Variants in TFDP1 observed in about 807,000 individuals in gnomAD.
TFDP1 encodes DRTF1-polypeptide 1.
Under a neutral mutation model 48.0 loss-of-function variants are expected in TFDP1, and 6 were observed. That is an observed-to-expected ratio of 0.13 (90% CI 0.07 to 0.25). TFDP1 has a LOEUF of 0.25. Ranked by LOEUF, TFDP1 falls within the 10% of genes least tolerant of loss-of-function variation. The pLI is 1.00. For synonymous variants in TFDP1, 201 were observed against 211.6 expected (o/e 0.95, Z 0.44); for missense variants, 335 against 543.0 (o/e 0.62, Z 3.81).
At chr13:113,611,144 G>T (rs1002883605) in intron 3 of TFDP1, 82 bp downstream of exon 3, 7 of 1,361,124 alleles carry the variant, frequency 5.1e-6, no homozygotes, top group Non-Finnish European at 7.3e-6. Flanking sequence ...TGACGCTGAA[G>T]CCTCTTGCTA....
Position 113,616,592 on chromosome 13 carries a change from C to T in TFDP1, c.79+5530C>T, listed in dbSNP as rs368378657. On this transcript the variant is annotated intron_variant, in intron 3 of 11. Transcript: ENST00000375370. ...ATGACTGCTTACTAAAGAGCATCTC[C>T]CTTTGTTGTGTCTTTACTTTCCTCC... Among the ~76,000 whole-genome samples the T allele has an allele frequency of 4.6e-5, 7 of 152,126 alleles. No individual in the cohort carries two copies. The South Asian group carries it at 1.2e-3, about 27-fold the overall frequency.
chr13:113,607,593 G>A lies in TFDP1; in HGVS notation c.13-3403G>A, dbSNP rs1305345860. On this transcript the variant is annotated intron_variant, in intron 2 of 11. Transcript: ENST00000375370. The surrounding 1 kb of genome is among the most constrained non-coding windows in gnomAD (Gnocchi z 5.2). ...GCGCATGCCCTGCAGTTACCCCAGA[G>A]CTTTATGTCACAACATTGAGGCTGG... 6.6e-6 allele frequency among the ~76,000 whole-genome samples: 1 copy of A among 152,182 alleles called. No homozygotes were observed. The highest frequency in any genetic ancestry group is 1.9e-4 in the East Asian group (1 of 5,204).
At chr13:113,624,264 G>A (rs2049065380) in intron 4 of TFDP1, among the ~76,000 whole-genome samples, 1 of 152,142 alleles carries the variant, frequency 6.6e-6, no homozygotes, top group Non-Finnish European at 1.5e-5. Context: ...ACACCTCCGG[G>A]TGGGATGAGA....
At chr13:113,635,780 C>T (rs919686224) in intron 8 of TFDP1, among the ~76,000 whole-genome samples, 197 bp from the exon 9 acceptor site, 3 of 152,174 alleles carry the variant, frequency 2.0e-5, no homozygotes, top group African/African-American at 4.8e-5. Context: ...TAGTTCTCCC[C>T]TCAGGATCCC....
chr13:113,625,263 C>G (rs558158141), intron 4 of TFDP1, among the ~76,000 whole-genome samples: 1 of 118,378 alleles, frequency 8.4e-6, no homozygotes, highest in South Asian at 2.9e-4. Flanking sequence ...GTATCTCTCA[C>G]ATGTCCTCAG....
intron 2 of TFDP1, among the ~76,000 whole-genome samples, chr13:113,599,767 A>T (rs1329810176): frequency 5.3e-5 from 8 of 152,202 alleles, no homozygotes; most frequent in Non-Finnish European, 1.2e-4. Flanking sequence ...CGTGAGAGAG[A>T]ATCCTTGCAC....
intron 2 of TFDP1, among the ~76,000 whole-genome samples, chr13:113,602,372 G>A (rs767757528): frequency 1.3e-5 from 2 of 152,088 alleles, no homozygotes; most frequent in South Asian, 2.1e-4. Flanking sequence ...GGAGTTCTCC[G>A]CACGAGTCAA....
At chr13:113,625,931 G>C (rs199778977) in intron 4 of TFDP1, among the ~76,000 whole-genome samples, 16 of 89,130 alleles carry the variant, frequency 1.8e-4, no homozygotes, top group African/African-American at 8.5e-4. Context: ...CGTGTCCTCA[G>C]GTGTTTCTCA....
intron 2 of TFDP1, among the ~76,000 whole-genome samples, chr13:113,595,026 A>C (rs1030997067): frequency 1.3e-5 from 2 of 152,162 alleles, no homozygotes; most frequent in Non-Finnish European, 2.9e-5. Flanking sequence ...TTCTGTTTCT[A>C]ATCTTTTCAC....
At chr13:113,634,246 C>G (rs759913065) in intron 7 of TFDP1, 5 of 712,852 alleles carry the variant, frequency 7.0e-6, no homozygotes, top group Non-Finnish European at 7.4e-6. Flanking sequence ...CTGTTAAACT[C>G]TAGTGTAGGT....
chr13:113,621,481 T>A (rs2048993685), intron 3 of TFDP1, among the ~76,000 whole-genome samples: 1 of 152,234 alleles, frequency 6.6e-6, no homozygotes, highest in Non-Finnish European at 1.5e-5. Flanking sequence ...TAGATATGAT[T>A]ATATATGAAT....
At position 113,585,806 on chromosome 13, in the gene TFDP1, A is replaced by G; in HGVS notation, c.-32A>G. ...ATTTTTCTTCTCTGGGAAGGTGAACATTTGTAGCATTGATTTCCCGGATCT... is the reference window on the plus strand; with the variant it reads ...ATTTTTCTTCTCTGGGAAGGTGAACGTTTGTAGCATTGATTTCCCGGATCT... On this transcript the variant is annotated 5_prime_UTR_variant, in exon 2 of 12. Transcript: ENST00000375370. The G allele has an allele frequency of 6.3e-7, 1 of 1,576,086 alleles. No homozygotes were observed. The highest frequency in any genetic ancestry group is 8.7e-7 in the Non-Finnish European group (1 of 1,154,630).
chr13:113,585,586 T>G (rs2047982013), intron 1 of TFDP1, 188 bp from the exon 2 acceptor site: 2 of 403,696 alleles, frequency 5.0e-6, no homozygotes, highest in African/African-American at 4.1e-5. Context: ...GCAGGGGGCA[T>G]TTCCGTCTGG....
intron 1 of TFDP1, 135 bp from the exon 2 acceptor site, chr13:113,585,639 G>C: frequency 1.8e-6 from 1 of 542,212 alleles, no homozygotes; most frequent in Non-Finnish European, 3.3e-6. Flanking sequence ...GGTTTGGCCA[G>C]CTCCGCTCTC....
chr13:113,596,316 C>G (rs1030972401), intron 2 of TFDP1, among the ~76,000 whole-genome samples: 4 of 152,188 alleles, frequency 2.6e-5, no homozygotes, highest in Admixed American at 2.6e-4. Context: ...ATATGTCTTA[C>G]CCAGTTATTG....
At chr13:113,591,067 C>T (rs572087851) in intron 2 of TFDP1, among the ~76,000 whole-genome samples, 2 of 150,122 alleles carry the variant, frequency 1.3e-5, no homozygotes, top group South Asian at 2.1e-4. Context: ...AAGTTTTGCC[C>T]CTGCTGGGCA....
At chr13:113,632,985 T>C in intron 5 of TFDP1, 135 bp from the exon 6 acceptor site, 1 of 1,074,184 alleles carries the variant, frequency 9.3e-7, no homozygotes, top group Non-Finnish European at 1.3e-6. Flanking sequence ...TGCTCACGTG[T>C]TGGATCTGCT....
intron 3 of TFDP1, among the ~76,000 whole-genome samples, chr13:113,615,849 C>T (rs1419060788): frequency 2.0e-5 from 3 of 152,028 alleles, no homozygotes; most frequent in Non-Finnish European, 2.9e-5. Flanking sequence ...GAGGTCGAGG[C>T]TGCAGTGAGT....
intron 2 of TFDP1, among the ~76,000 whole-genome samples, chr13:113,603,977 G>A (rs2048502478): frequency 6.6e-6 from 1 of 152,002 alleles, no homozygotes; most frequent in Non-Finnish European, 1.5e-5. Flanking sequence ...AGCCTGGGCA[G>A]CGTAATGAGA....
Sources: gnomAD v4.1 joint callset for allele counts (sites outside exome capture counted in the v4.1 genomes callset) on GRCh38, gnomAD v4.1.1 for gene constraint, Gnocchi (gnomAD v3.1) non-coding constraint, MANE v1.5 for transcripts, NCBI Gene and HGNC (gene_info 2026-07-23, HGNC 2026-07-21) for gene names.